The following ADGRB3 variants were observed in gnomAD, a reference collection of about 807,000 sequenced individuals.
The protein encoded by ADGRB3 is brain-specific angiogenesis inhibitor 3.
A neutral mutation model predicts 193.4 loss-of-function variants in ADGRB3; 37 were observed. That is an observed-to-expected ratio of 0.19 (90% CI 0.15 to 0.25). The LOEUF is 0.25. ADGRB3 is among the 10% of genes least tolerant of loss of function. The pLI is 1.00. For missense variants in ADGRB3, 1,637 were observed against 1,852.9 expected, an observed-to-expected ratio of 0.88 and a Z score of 2.14; for synonymous variants, 690 against 644.2, an observed-to-expected ratio of 1.07 and a Z score of -1.08.
intron 3 of ADGRB3, among the ~76,000 whole-genome samples, chr6:68,898,509 C>T (rs1453203817): frequency 2.0e-5 from 3 of 152,052 alleles, no homozygotes; most frequent in African/African-American, 7.2e-5. Flanking sequence ...ACGATCACAA[C>T]ATTATAGCAA....
At position 69,320,806 on chromosome 6, in the gene ADGRB3, T is replaced by A. The variant is rs976621159; in HGVS notation, c.2815-4066T>A. 5.4e-5 allele frequency among the ~76,000 whole-genome samples: 8 copies of A among 147,246 alleles called. No individual in the cohort carries two copies. The Admixed American group carries it at 5.5e-4, about 10-fold the overall frequency. ...TTTTCAAAGATTTCATCAAAGTATA[T>A]GTGCTTGTGCATGTGTGTATGTGTG... On this transcript the variant is annotated intron_variant, in intron 20 of 31. Transcript: ENST00000370598.
chr6:68,835,206 A>G (rs1411414172), intron 3 of ADGRB3, among the ~76,000 whole-genome samples: 1 of 152,144 alleles, frequency 6.6e-6, no homozygotes, highest in African/African-American at 2.4e-5. Context: ...TACTTTCCAT[A>G]TATTCGCTGC....
chr6:69,310,565 G>A (rs146118793), intron 20 of ADGRB3, among the ~76,000 whole-genome samples: 66 of 151,798 alleles, frequency 4.3e-4, no homozygotes, highest in Middle Eastern at 6.8e-3. Flanking sequence ...AAACATAACA[G>A]CAATGTAAAT....
At chr6:69,356,537 G>C (rs1483321665) in intron 28 of ADGRB3, among the ~76,000 whole-genome samples, 1 of 151,864 alleles carries the variant, frequency 6.6e-6, no homozygotes, top group East Asian at 1.9e-4. Flanking sequence ...AGAAATGAGA[G>C]AAAAACTAAG....
chr6:68,805,426 C>T (rs1767383891), intron 3 of ADGRB3, among the ~76,000 whole-genome samples: 1 of 152,126 alleles, frequency 6.6e-6, no homozygotes, highest in African/African-American at 2.4e-5. Flanking sequence ...ACATTATTTA[C>T]TTTATTGAGC....
At chr6:69,323,487 GGAA>G (rs1489644207) in intron 20 of ADGRB3, among the ~76,000 whole-genome samples, 1 of 152,034 alleles carries the variant, frequency 6.6e-6, no homozygotes, top group African/African-American at 2.4e-5. Context: ...ATAGGTATGA[GGAA>G]GTTTTCAAGT....
At chr6:68,800,113 A>G (rs1252468935) in intron 3 of ADGRB3, among the ~76,000 whole-genome samples, 1 of 152,142 alleles carries the variant, frequency 6.6e-6, no homozygotes, top group African/African-American at 2.4e-5. Flanking sequence ...TATGAGGGAT[A>G]TCATGGTGTC....
At chr6:69,280,645 G>A (rs1444831297) in intron 20 of ADGRB3, among the ~76,000 whole-genome samples, 1 of 152,180 alleles carries the variant, frequency 6.6e-6, no homozygotes. Flanking sequence ...AACATAGCAA[G>A]TGCCATCCAA....
intron 3 of ADGRB3, among the ~76,000 whole-genome samples, chr6:68,649,001 G>C (rs1220976577): frequency 2.0e-5 from 3 of 151,630 alleles, no homozygotes; most frequent in Non-Finnish European, 4.4e-5. Flanking sequence ...TGCACATATT[G>C]TTTTGTATGG....
chr6:68,713,545 C>G (rs1347857936), intron 3 of ADGRB3, among the ~76,000 whole-genome samples: 2 of 151,810 alleles, frequency 1.3e-5, no homozygotes, highest in East Asian at 3.9e-4. Context: ...TCAACTGGAA[C>G]TTTCATAACT....
chr6:68,900,347 G>T (rs1766360589), intron 3 of ADGRB3, among the ~76,000 whole-genome samples: 1 of 152,106 alleles, frequency 6.6e-6, no homozygotes, highest in Non-Finnish European at 1.5e-5. Flanking sequence ...GGTCTGTAGA[G>T]ATTCAAAGGC....
At chr6:68,675,698 CA>C (rs1769071810) in intron 3 of ADGRB3, among the ~76,000 whole-genome samples, 1 of 152,148 alleles carries the variant, frequency 6.6e-6, no homozygotes, top group Non-Finnish European at 1.5e-5. Flanking sequence ...TTTTCATCGC[CA>C]GGGCACCAGC....
intron 20 of ADGRB3, among the ~76,000 whole-genome samples, chr6:69,316,103 G>A (rs1415894275): frequency 6.6e-6 from 1 of 150,976 alleles, no homozygotes; most frequent in Admixed American, 6.6e-5. Context: ...TACAAGATGT[G>A]TATCTAATAC....
At chr6:69,330,464 T>G (rs1768692772) in intron 22 of ADGRB3, 42 bp from the exon 23 acceptor site, 1 of 1,521,732 alleles carries the variant, frequency 6.6e-7, no homozygotes, top group Admixed American at 1.7e-5. Context: ...GTCTAATACT[T>G]GTCACTAATT....
intron 3 of ADGRB3, among the ~76,000 whole-genome samples, chr6:68,892,801 A>G (rs1246827110): frequency 1.3e-5 from 2 of 152,188 alleles, no homozygotes; most frequent in Admixed American, 6.6e-5. Flanking sequence ...GGCAAAATAT[A>G]TACCTCAAAA....
intron 24 of ADGRB3, among the ~76,000 whole-genome samples, chr6:69,334,650 C>A (rs1464991973): frequency 2.0e-5 from 3 of 152,152 alleles, no homozygotes; most frequent in African/African-American, 7.2e-5. Flanking sequence ...AAGTAAGCTT[C>A]TTCAGTTATT....
intron 11 of ADGRB3, among the ~76,000 whole-genome samples, chr6:69,001,138 A>T (rs2150278955): frequency 6.6e-6 from 1 of 152,354 alleles, no homozygotes; most frequent in East Asian, 1.9e-4. Context: ...GAACAACAGC[A>T]GTAAGTAAAG....
chr6:68,790,036 T>C (rs151046682), intron 3 of ADGRB3, among the ~76,000 whole-genome samples: 1 of 152,336 alleles, frequency 6.6e-6, no homozygotes, highest in East Asian at 1.9e-4. Flanking sequence ...GCATTGGTTA[T>C]TCTAGTTATC....
At chr6:68,771,069 TTC>T (rs1213615813) in intron 3 of ADGRB3, among the ~76,000 whole-genome samples, 1 of 152,106 alleles carries the variant, frequency 6.6e-6, no homozygotes, top group East Asian at 1.9e-4. Flanking sequence ...TATGTGAAGG[TTC>T]TCTCACCGAA....
Sources: allele counts gnomAD v4.1 joint callset (sites outside exome capture counted in the v4.1 genomes callset), GRCh38; gene constraint gnomAD v4.1.1; transcripts MANE v1.5; gene names NCBI Gene and HGNC (gene_info 2026-07-23, HGNC 2026-07-21).